The following KLF11 variants were observed in gnomAD, a reference collection of about 807,000 sequenced individuals.
KLF11 encodes Krueppel-like factor 11.
In KLF11, 26 loss-of-function variants were observed where a neutral mutation model predicts 29.9. That is an observed-to-expected ratio of 0.87 (90% CI 0.64 to 1.21). The LOEUF (loss-of-function observed/expected upper bound fraction) is 1.21. Ranked by LOEUF, KLF11 falls within the 50% of genes most tolerant of loss-of-function variation. KLF11 has a pLI of 0.00. For synonymous variants in KLF11, 318 were observed against 257.4 expected (o/e 1.24, Z -2.25); for missense variants, 778 against 665.7 (o/e 1.17, Z -1.86).
At chr2:10,049,010 C>G (rs1306996263) in intron 3 of KLF11, among the ~76,000 whole-genome samples, 1 of 150,224 alleles carries the variant, frequency 6.7e-6, no homozygotes, top group African/African-American at 2.5e-5. Context: ...AAGGTCTGGC[C>G]AAACTATAGA....
rs1661058166 is a variant in KLF11, at chr2:10,043,601, C to G, written c.-116C>G. 4.5e-6 allele frequency: 3 copies of G among 665,130 alleles called. No homozygotes were observed. Among genetic ancestry groups the G allele is most frequent in the Non-Finnish European group, 5.6e-6 (3 of 540,382 alleles). The allele number at this position is 665,130 out of a possible 1,614,324, so 41.2% of individuals were successfully genotyped here. On this transcript the variant is annotated 5_prime_UTR_variant, in exon 1 of 4. Transcript: ENST00000305883. ...CCGCGCGGGCGGGCGAGGCGCGTGC[C>G]GGCCGCAGGAGCTCCGGGTTGCCGC...
At chr2:10,050,497 G>T (rs1217235770) in intron 3 of KLF11, among the ~76,000 whole-genome samples, 1 of 151,658 alleles carries the variant, frequency 6.6e-6, no homozygotes, top group Non-Finnish European at 1.5e-5. Context: ...AGATCACGAG[G>T]TCAAGAAATT....
At chr2:10,044,817 C>G (rs769358662) in intron 1 of KLF11, among the ~76,000 whole-genome samples, 3 of 152,020 alleles carry the variant, frequency 2.0e-5, no homozygotes, top group Non-Finnish European at 2.9e-5. Context: ...GAGATCAGCT[C>G]ATTCCAGCCT....
chr2:10,045,079 G>A (rs1661147964), intron 1 of KLF11, among the ~76,000 whole-genome samples: 1 of 151,734 alleles, frequency 6.6e-6, no homozygotes, highest in Admixed American at 6.6e-5. Flanking sequence ...CTGGGAGGCA[G>A]AAGTTGTGGT....
intron 2 of KLF11, 112 bp from the exon 3 acceptor site, chr2:10,047,538 G>A (rs1449861702): frequency 1.1e-6 from 1 of 942,906 alleles, no homozygotes; most frequent in African/African-American, 1.6e-5. Flanking sequence ...GTTGAAAACA[G>A]GGTTAACTGA....
chr2:10,052,687 C>CAGTA lies in KLF11; in HGVS notation c.*181_*184dup. 1 of 593,526 alleles carries CAGTA rather than the reference C, an allele frequency of 1.7e-6. No homozygotes were observed. The highest frequency in any genetic ancestry group is 2.9e-6 in the Non-Finnish European group (1 of 344,362). 36.8% of individuals were successfully genotyped at this position (593,526 alleles called of 1,614,324 possible). ...TTTCTTTTCCACTTGGGACCCTGTT[C>CAGTA]AGTATCTTTTGTAGTTTCAGAAGTT... On this transcript the variant is annotated 3_prime_UTR_variant, in exon 4 of 4. Coordinates refer to ENST00000305883, the MANE Select transcript of KLF11 (RefSeq NM_003597.5).
chr2:10,052,278 G>A lies in KLF11; in HGVS notation c.1310G>A (p.Arg437His), dbSNP rs369814305. ...GATGGCTGTGATAAAAAGTTTGCTC[G>A]TTCGGATGAGCTGTCACGCCACCGC... Reference protein sequence around the residue: ...SWDGCDKKFARSDELSRHRRT... With the variant: ...SWDGCDKKFAHSDELSRHRRT... The change falls in exon 4 of 4, where the codon CGT becomes CAT. Residue 437 changes from arginine to histidine, a missense_variant. Transcript: ENST00000305883. The A allele has an allele frequency of 3.1e-6, 5 of 1,614,154 alleles. No homozygotes were observed. The highest frequency in any genetic ancestry group is 1.3e-5 in the African/African-American group (1 of 75,018).
In KLF11 at chr2:10,052,260, G is replaced by A; in HGVS notation, c.1292G>A (p.Cys431Tyr). Residue 431 changes from cysteine to tyrosine, a missense_variant, in exon 4 of 4, where the codon TGT (cysteine) becomes TAT (tyrosine). Cys to Tyr is a radical substitution (Grantham distance 194, BLOSUM62 -2). Transcript: ENST00000305883. ...CCTTTCAACTGCAGCTGGGATGGCT[G>A]TGATAAAAAGTTTGCTCGTTCGGAT... ...EKPFNCSWDG[C>Y]DKKFARSDEL... The A allele has an allele frequency of 1.2e-6, 2 of 1,614,204 alleles. No individual in the cohort carries two copies. Among genetic ancestry groups the A allele is most frequent in the East Asian group, 2.2e-5 (1 of 44,896 alleles).
chr2:10,050,561 T>C (rs1661372367), intron 3 of KLF11, among the ~76,000 whole-genome samples: 1 of 151,392 alleles, frequency 6.6e-6, no homozygotes, highest in South Asian at 2.1e-4. Flanking sequence ...AATACAAAAA[T>C]AGTTGGGCTT....
rs779620355 is a variant in KLF11, at chr2:10,048,024, G to A, written c.687G>A (p.Val229=). 3 of 1,614,174 alleles carry A rather than the reference G, an allele frequency of 1.9e-6. No homozygotes were observed. Among genetic ancestry groups the A allele is most frequent in the East Asian group, 2.2e-5 (1 of 44,890 alleles). The part of the protein sequence containing the change: ...LTDSLLSTNL[V]SCQPCLHKSG... ...ACAGTTTACTCAGCACTAACTTGGTGTCCTGTCAGCCCTGCTTGCACAAGT... is the reference window on the plus strand; with the variant it reads ...ACAGTTTACTCAGCACTAACTTGGTATCCTGTCAGCCCTGCTTGCACAAGT... Residue 229 remains valine (V), a synonymous_variant, in exon 3 of 4, where the codon GTG becomes GTA. Coordinates refer to ENST00000305883, the MANE Select transcript of KLF11 (RefSeq NM_003597.5).
intron 3 of KLF11, among the ~76,000 whole-genome samples, chr2:10,050,578 A>G (rs1661372775): frequency 6.6e-6 from 1 of 151,400 alleles, no homozygotes; most frequent in Non-Finnish European, 1.5e-5. Context: ...GCTTGGTGGC[A>G]CGCTCCTGTA....
At chr2:10,049,016 A>G (rs1285227332) in intron 3 of KLF11, among the ~76,000 whole-genome samples, 1 of 151,200 alleles carries the variant, frequency 6.6e-6, no homozygotes, top group East Asian at 1.9e-4. Flanking sequence ...TGGCCAAACT[A>G]TAGAAAAGTT....
rs1558351542 is a variant in KLF11 at position 10,052,314 on chromosome 2, C to A, written c.1346C>A (p.Thr449Lys). 6.2e-7 allele frequency: 1 copy of A among 1,614,176 alleles called. No homozygotes were observed. The highest frequency in any genetic ancestry group is 8.5e-7 in the Non-Finnish European group (1 of 1,180,044). Residue 449 changes from threonine to lysine, a missense_variant, in exon 4 of 4, where the codon ACA (threonine) becomes AAA (lysine). Transcript: ENST00000305883. ...CTGTCACGCCACCGCAGAACTCACA[C>A]AGGGGAGAAGAAGTTTGTGTGCCCG... Reference protein sequence around the residue: ...DELSRHRRTHTGEKKFVCPVC... With the variant: ...DELSRHRRTHKGEKKFVCPVC...
At chr2:10,045,789 C>T (rs370032206) in intron 1 of KLF11, among the ~76,000 whole-genome samples, 1 of 152,236 alleles carries the variant, frequency 6.6e-6, no homozygotes, top group Non-Finnish European at 1.5e-5. Flanking sequence ...TCAGTGTTGG[C>T]TCCTCCTCCC....
rs1476693775 is a variant in KLF11 at position 10,054,538 on chromosome 2, A to G, written c.*2031A>G. 2.6e-5 allele frequency: 4 copies of G among 152,684 alleles called. No homozygotes were observed. The highest frequency in any genetic ancestry group is 2.6e-4 in the Admixed American group (4 of 15,286). 9.5% of individuals were successfully genotyped at this position (152,684 alleles called of 1,614,324 possible). On this transcript the variant is annotated 3_prime_UTR_variant, in exon 4 of 4. Transcript: ENST00000305883. ...TGTTGAAAGATTTTAAGTTGGAAAC[A>G]GTTCCTGTCTGAAAACTCTTCTGAG...
In KLF11 at chr2:10,044,250, C is replaced by T. The variant is rs541950984; in HGVS notation, c.42+492C>T. On this transcript the variant is annotated intron_variant, in intron 1 of 3. Transcript: ENST00000305883. ...CTGGGGGCGGGCAAGGTCTAGGGGCCGGGGCAACGACGGGAGGCGGGAGCG... is the reference window on the plus strand; with the variant it reads ...CTGGGGGCGGGCAAGGTCTAGGGGCTGGGGCAACGACGGGAGGCGGGAGCG... The T allele has an allele frequency of 1.1e-5, 11 of 971,148 alleles. No individual in the cohort carries two copies. The East Asian group carries it at 3.5e-4, about 31-fold the overall frequency. The allele number at this position is 971,148 out of a possible 1,614,324, so 60.2% of individuals were successfully genotyped here.
In KLF11 at chr2:10,046,204, GA is replaced by G. The variant is rs780154479; in HGVS notation, c.100del (p.Arg34GlyfsTer21). The G allele has an allele frequency of 6.2e-7, 1 of 1,614,218 alleles. No homozygotes were observed. Among genetic ancestry groups the G allele is most frequent in the Admixed American group, 1.7e-5 (1 of 60,028 alleles). ...CCTGGAGAGGAAGCGGCATGACAGC[GA>G]AAGGTCTACTTGCAGCATCTTGGAG... ...SILERKRHDS[E>X]RSTCSILEQT... On this transcript the variant is annotated frameshift_variant, in exon 2 of 4. Transcript: ENST00000305883. LOFTEE classifies it high-confidence loss of function.
chr2:10,051,336 A>C (rs1393686915), intron 3 of KLF11, among the ~76,000 whole-genome samples: 1 of 151,834 alleles, frequency 6.6e-6, no homozygotes, highest in African/African-American at 2.4e-5. Flanking sequence ...AGTCTCCGGA[A>C]TAGTTGAGAT....
chr2:10,052,433 G>C lies in KLF11; in HGVS notation c.1465G>C (p.Val489Leu). The change falls in exon 4 of 4, where the codon GTT (valine) becomes CTT (leucine). Residue 489 changes from valine (V) to leucine (L), a missense_variant. Val to Leu is a conservative substitution (Grantham distance 32, BLOSUM62 1). Transcript: ENST00000305883. ...GAAGATCCCAGGCTGGCAGGCAGAG[G>C]TTGGCAAGCTGAACAGAATCGCCTC... is the stretch of plus-strand genomic sequence containing the variant. ...TKKIPGWQAEVGKLNRIASAE... is the reference protein window; with the variant it reads ...TKKIPGWQAELGKLNRIASAE... 6.2e-7 allele frequency: 1 copy of C among 1,614,186 alleles called. No individual in the cohort carries two copies. Among genetic ancestry groups the C allele is most frequent in the Non-Finnish European group, 8.5e-7 (1 of 1,180,032 alleles).
Sources: allele counts gnomAD v4.1 joint callset (sites outside exome capture counted in the v4.1 genomes callset), GRCh38; gene constraint gnomAD v4.1.1; transcripts MANE v1.5; gene names NCBI Gene and HGNC (gene_info 2026-07-23, HGNC 2026-07-21).